Variants in AOX1 observed in about 807,000 individuals in gnomAD.
AOX1 encodes aldehyde oxidase 1.
In AOX1, 153 loss-of-function variants were observed where a neutral mutation model predicts 169.5. The ratio of observed to expected loss-of-function variants is 0.90; its 90% CI spans 0.79 to 1.03. AOX1 has a LOEUF of 1.03. Among genes scored for constraint, AOX1 ranks in the 50% least tolerant of loss-of-function variants. The probability of loss-of-function intolerance (pLI) is 0.00; values close to 1 mark genes in which losing one functional copy is unlikely to be tolerated. For missense variants in AOX1, 1,656 were observed against 1,663.9 expected (o/e 1.00, Z 0.08); for synonymous variants, 562 against 581.9 (o/e 0.97, Z 0.49).
chr2:200,644,591 A>G (rs1358290358), intron 25 of AOX1, among the ~76,000 whole-genome samples: 4 of 152,060 alleles, frequency 2.6e-5, no homozygotes, highest in South Asian at 2.1e-4. Context: ...GTGAAGAACA[A>G]TGGTGGTATT....
intron 15 of AOX1, among the ~76,000 whole-genome samples, chr2:200,614,794 A>G (rs1390517967): frequency 1.3e-5 from 2 of 152,142 alleles, no homozygotes; most frequent in African/African-American, 4.8e-5. Flanking sequence ...AGGTGGGAGC[A>G]ACTAGGAACC....
chr2:200,652,310 T>C (rs1171699692), intron 26 of AOX1, among the ~76,000 whole-genome samples: 2 of 152,304 alleles, frequency 1.3e-5, no homozygotes, highest in East Asian at 3.9e-4. Flanking sequence ...GATGATCTTA[T>C]TGCAGTCTTC....
At chr2:200,651,946 T>C (rs2035588366) in intron 26 of AOX1, among the ~76,000 whole-genome samples, 2 of 152,272 alleles carry the variant, frequency 1.3e-5, no homozygotes, top group East Asian at 3.9e-4. Flanking sequence ...TTTTATTACA[T>C]ACACACATCC....
chr2:200,620,586 A>G (rs984254382), intron 16 of AOX1, 64 bp from the exon 17 acceptor site: 3 of 1,352,576 alleles, frequency 2.2e-6, no homozygotes, highest in African/African-American at 3.1e-5. Flanking sequence ...GGAAATGTGC[A>G]TAATAATAAT....
chr2:200,592,030 G>A (rs900627268), intron 1 of AOX1, among the ~76,000 whole-genome samples: 1 of 152,176 alleles, frequency 6.6e-6, no homozygotes, highest in Admixed American at 6.5e-5. Context: ...AGCAGATACT[G>A]AGGCCATTAA....
rs2034946781 is a variant in AOX1 at position 200,624,000 on chromosome 2, A to G, written c.2124+17A>G. ...ACAATTGAGGTAATGAGTTCTGTGG[A>G]ATGGTGGTGCCAGTTGGGAGCCAGA... On this transcript the variant is annotated intron_variant, in intron 19 of 34. Coordinates refer to ENST00000374700, the MANE Select transcript of AOX1 (RefSeq NM_001159.4). 3.7e-6 allele frequency: 6 copies of G among 1,612,094 alleles called. No individual in the cohort carries two copies. The East Asian group carries it at 1.1e-4, about 30-fold the overall frequency.
intron 18 of AOX1, among the ~76,000 whole-genome samples, chr2:200,622,906 C>A (rs750328467): frequency 6.6e-6 from 1 of 152,134 alleles, no homozygotes; most frequent in Non-Finnish European, 1.5e-5. Flanking sequence ...CCCCATAGAT[C>A]CATCACCCAG....
Position 200,642,783 on chromosome 2 carries a change from T to G in AOX1, c.2829T>G (p.Cys943Trp), listed in dbSNP as rs767882692. 2 of 1,613,672 alleles carry G rather than the reference T, an allele frequency of 1.2e-6. No individual in the cohort carries two copies. The highest frequency in any genetic ancestry group is 2.2e-5 in the South Asian group (2 of 90,952). The change falls in exon 25 of 35, where the codon TGT (cysteine) becomes TGG (tryptophan). Residue 943 changes from cysteine (C) to tryptophan (W), a missense_variant. Physicochemically the swap from Cys to Trp is radical, Grantham distance 215. Coordinates refer to ENST00000374700, the MANE Select transcript of AOX1 (RefSeq NM_001159.4). ...ESCITEVAAK[C>W]GLSPEKVRII... The stretch of plus-strand genomic sequence containing the variant: ...GTATCACGGAAGTTGCAGCCAAATG[T>G]GGACTATCCCCTGAGAAGGTAATAC...
intron 14 of AOX1, 40 bp downstream of exon 14, chr2:200,612,833 T>C: frequency 6.4e-7 from 1 of 1,555,322 alleles, no homozygotes; most frequent in Non-Finnish European, 8.7e-7. Context: ...ATACTTGTCC[T>C]TAGACTCCAA....
chr2:200,630,210 TA>T lies in AOX1; in HGVS notation c.2221+2788del, dbSNP rs57410809. Among the ~76,000 whole-genome samples, 458 of 95,476 alleles carry T rather than the reference TA, an allele frequency of 4.8e-3. 6 individuals are homozygous for T. The highest frequency in any genetic ancestry group is 0.012 in the African/African-American group (254 of 21,852). 62.6% of individuals were successfully genotyped at this position (95,476 alleles called of 152,430 possible). A position where few individuals can be genotyped will look rare whatever the true frequency, so the allele number is the denominator to read the frequency against. ...TCAATGTAGCAAGACTCCTTCTATT[TA>T]AAAAAAAAAAAAAAAAAAAAAAAAA... On this transcript the variant is annotated intron_variant, in intron 20 of 34. Transcript: ENST00000374700.
chr2:200,638,292 GA>G lies in AOX1; in HGVS notation c.2561del (p.Lys854SerfsTer7). 1 of 1,613,548 alleles carries G rather than the reference GA, an allele frequency of 6.2e-7. No individual in the cohort carries two copies. On this transcript the variant is annotated frameshift_variant, in exon 23 of 35. Transcript: ENST00000374700. LOFTEE classifies it high-confidence loss of function. ...ACTGGAGGCCGCCATCCTTACCTTG[GA>G]AAGTACAAAGTGAGTACAAGAGGGC... is the stretch of plus-strand genomic sequence containing the variant. ...LITGGRHPYLGKYKAGFMNDG... is the reference protein window; with the variant it reads ...LITGGRHPYLXKYKAGFMNDG...
Position 200,612,741 on chromosome 2 carries a change from G to C in AOX1, c.1396G>C (p.Val466Leu). 1.2e-6 allele frequency: 2 copies of C among 1,614,032 alleles called. No homozygotes were observed. Among genetic ancestry groups the C allele is most frequent in the African/African-American group, 2.7e-5 (2 of 75,008 alleles). Residue 466 changes from valine (V) to leucine (L), a missense_variant, in exon 14 of 35, where the codon GTT (valine) becomes CTT (leucine). Coordinates refer to ENST00000374700, the MANE Select transcript of AOX1 (RefSeq NM_001159.4). ...AGAGTTATGCATCTCATATGGAGGCGTTGGTCCAGCCACCATCTGTGCCAA... is the reference window on the plus strand; with the variant it reads ...AGAGTTATGCATCTCATATGGAGGCCTTGGTCCAGCCACCATCTGTGCCAA... ...IRELCISYGG[V>L]GPATICAKNS...
At chr2:200,641,248 A>C in intron 24 of AOX1, 64 bp downstream of exon 24, 3 of 1,120,994 alleles carry the variant, frequency 2.7e-6, no homozygotes, top group Non-Finnish European at 4.0e-6. Context: ...AATTTAACTT[A>C]GAAAATGCCC....
chr2:200,656,095 C>A (rs1302393033), intron 26 of AOX1, among the ~76,000 whole-genome samples: 1 of 152,240 alleles, frequency 6.6e-6, no homozygotes, highest in African/African-American at 2.4e-5. Flanking sequence ...CACTTCCCTG[C>A]TGCAAAACTG....
intron 31 of AOX1, among the ~76,000 whole-genome samples, chr2:200,665,375 C>T (rs1159418498): frequency 6.6e-6 from 1 of 152,232 alleles, no homozygotes. Context: ...CCTAGATCCA[C>T]TCTCTCCAGT....
intron 29 of AOX1, among the ~76,000 whole-genome samples, chr2:200,660,438 G>A (rs1574960620): frequency 6.6e-6 from 1 of 152,130 alleles, no homozygotes; most frequent in African/African-American, 2.4e-5. Flanking sequence ...AAAAACAATA[G>A]TAGAACCACT....
intron 26 of AOX1, among the ~76,000 whole-genome samples, chr2:200,652,868 C>T (rs977595481): frequency 6.6e-6 from 1 of 152,136 alleles, no homozygotes; most frequent in African/African-American, 2.4e-5. Flanking sequence ...AGTTTGAAAC[C>T]AGCCTGAGCA....
At chr2:200,631,576 T>G (rs1346877779) in intron 20 of AOX1, among the ~76,000 whole-genome samples, 1 of 152,166 alleles carries the variant, frequency 6.6e-6, no homozygotes, top group Non-Finnish European at 1.5e-5. Flanking sequence ...ACATTTTATC[T>G]CAGGGATTAG....
chr2:200,612,110 G>A (rs1457413222), intron 13 of AOX1, among the ~76,000 whole-genome samples: 4 of 151,520 alleles, frequency 2.6e-5, no homozygotes, highest in Non-Finnish European at 4.4e-5. Context: ...GACATGAAGA[G>A]TATGCCTCTA....
Sources: allele counts gnomAD v4.1 joint callset (sites outside exome capture counted in the v4.1 genomes callset), GRCh38; gene constraint gnomAD v4.1.1; transcripts MANE v1.5; gene names NCBI Gene and HGNC (gene_info 2026-07-23, HGNC 2026-07-21).